The following SHARPIN variants were observed in gnomAD, a reference collection of about 807,000 sequenced individuals.
SHARPIN encodes SHANK associated RH domain interactor.
In SHARPIN, 25 loss-of-function variants were observed where a neutral mutation model predicts 40.3. That is an observed-to-expected ratio of 0.62 (90% CI 0.45 to 0.87). The LOEUF (loss-of-function observed/expected upper bound fraction) is 0.87. Ranked by LOEUF, SHARPIN falls within the 40% of genes least tolerant of loss-of-function variation. The pLI is 0.00. For missense variants in SHARPIN, 551 were observed against 516.1 expected (o/e 1.07, Z -0.66); for synonymous variants, 274 against 221.8 (o/e 1.24, Z -2.09).
At position 144,098,774 on chromosome 8, in the gene SHARPIN, C is replaced by T. The variant is rs1836220193; in HGVS notation, c.*27G>A. 1.1e-6 allele frequency: 1 copy of T among 883,294 alleles called. No individual in the cohort carries two copies. Among genetic ancestry groups the T allele is most frequent in the Non-Finnish European group, 1.7e-6 (1 of 587,238 alleles). 54.7% of individuals were successfully genotyped at this position (883,294 alleles called of 1,614,324 possible). ...TGTCGGACTTGTGAGGGAAGGGCCA[C>T]TCTCCCCTTGTAACCTGTGGGGGAG... On this transcript the variant is annotated 3_prime_UTR_variant, in exon 9 of 9. Coordinates refer to ENST00000398712, the MANE Select transcript of SHARPIN (RefSeq NM_030974.4).
chr8:144,099,881 G>A (rs773682714), intron 3 of SHARPIN, 37 bp from the exon 4 acceptor site: 1 of 1,610,736 alleles, frequency 6.2e-7, no homozygotes, highest in South Asian at 1.1e-5. Context: ...CACCACTGGG[G>A]ACTATCTGCT....
chr8:144,099,552 C>A lies in SHARPIN; in HGVS notation c.726G>T (p.Leu242=). 8 of 1,614,080 alleles carry A rather than the reference C, an allele frequency of 5.0e-6. No homozygotes were observed. The highest frequency in any genetic ancestry group is 6.8e-6 in the Non-Finnish European group (8 of 1,180,014). The stretch of plus-strand genomic sequence containing the variant: ...CAACAGTGCAGTGGGGGTGGACCTG[C>A]AGGGCAACGTGTGCAGAGGACGCGG... ...ASAASSAHVA[L]QVHPHCTVAA... is the part of the protein sequence containing the mutation. Residue 242 remains leucine (L), a synonymous_variant, in exon 5 of 9, where the codon CTG becomes CTT. Transcript: ENST00000398712.
At position 144,099,296 on chromosome 8, in the gene SHARPIN, T is replaced by C. The variant is rs1481288549; in HGVS notation, c.903A>G (p.Ser301=). The C allele has an allele frequency of 6.2e-7, 1 of 1,613,920 alleles. No homozygotes were observed. Among genetic ancestry groups the C allele is most frequent in the Non-Finnish European group, 8.5e-7 (1 of 1,179,992 alleles). The stretch of plus-strand genomic sequence containing the variant: ...ACTGACCTGGGGCTTCTCGAGGAGC[T>C]GACAGCAAGTAGAGGAAAGCAGGGT... The part of the protein sequence containing the change: ...DGDPAFLYLL[S]APREAPATGP... Residue 301 remains serine, a synonymous_variant, in exon 6 of 9, where the codon TCA becomes TCG. Transcript: ENST00000398712.
rs543243138 is a variant in SHARPIN, at chr8:144,102,986, C to A, written c.376+65G>T. On this transcript the variant is annotated intron_variant, in intron 2 of 8. Coordinates refer to ENST00000398712, the MANE Select transcript of SHARPIN (RefSeq NM_030974.4). The stretch of plus-strand genomic sequence containing the variant: ...CAGTGGGGAAGGTGGATCCAACTTC[C>A]CCAACCAGGACTGGGGGGCCAAGGC... 3 of 1,599,252 alleles carry A rather than the reference C, an allele frequency of 1.9e-6. No homozygotes were observed. In the African/African-American group the frequency reaches 4.0e-5, roughly 21 times the overall value.
At chr8:144,099,893 T>C (rs773640004) in intron 3 of SHARPIN, 36 bp downstream of exon 3, 1 of 1,551,008 alleles carries the variant, frequency 6.4e-7, no homozygotes, top group East Asian at 2.3e-5. Flanking sequence ...CTATCTGCTA[T>C]CCCCGAACCC....
Position 144,103,368 on chromosome 8 carries a change from G to A in SHARPIN, c.202-143C>T, listed in dbSNP as rs1012259502. The A allele has an allele frequency of 1.3e-5, 14 of 1,114,466 alleles. No homozygotes were observed. The East Asian group carries it at 2.8e-4, about 23-fold the overall frequency. 69.0% of individuals were successfully genotyped at this position (1,114,466 alleles called of 1,614,324 possible). A position where few individuals can be genotyped will look rare whatever the true frequency, so the allele number is the denominator to read the frequency against. On this transcript the variant is annotated intron_variant, in intron 1 of 8. Coordinates refer to ENST00000398712, the MANE Select transcript of SHARPIN (RefSeq NM_030974.4). Reference sequence around the variant, plus strand: ...ATCATCAAATCCTCACAATAGCCCTGTAAAGTAGGTCCAGGTAGGTCCCAG... The same window carrying A: ...ATCATCAAATCCTCACAATAGCCCTATAAAGTAGGTCCAGGTAGGTCCCAG...
At chr8:144,099,480 CT>C (rs1054072729) in intron 5 of SHARPIN, 29 bp downstream of exon 5, 9 of 1,609,768 alleles carry the variant, frequency 5.6e-6, no homozygotes, top group Non-Finnish European at 6.8e-6. Flanking sequence ...TCCTCTGCCC[CT>C]GGCAGGGCTC....
At chr8:144,099,893 T>TGGGC in intron 3 of SHARPIN, 36 bp downstream of exon 3, 1 of 1,551,002 alleles carries the variant, frequency 6.4e-7, no homozygotes, top group Non-Finnish European at 8.8e-7. Context: ...CTATCTGCTA[T>TGGGC]CCCCGAACCC....
Position 144,103,189 on chromosome 8 carries a change from T to G in SHARPIN, c.238A>C (p.Thr80Pro), listed in dbSNP as rs749884925. ...LEWPLESVSY[T>P]IRGPTQHELQ... ...TCGTGCTGGGTGGGGCCTCGGATGG[T>G]GTAGGAAACTGACTCCAGGGGCCAC... The change falls in exon 2 of 9, where the codon ACC (threonine) becomes CCC (proline). Residue 80 changes from threonine to proline, a missense_variant. By Grantham distance (38) the Thr-to-Pro change is conservative (BLOSUM62 -1). Coordinates refer to ENST00000398712, the MANE Select transcript of SHARPIN (RefSeq NM_030974.4). 1 of 1,612,440 alleles carries G rather than the reference T, an allele frequency of 6.2e-7. No homozygotes were observed. Among genetic ancestry groups the G allele is most frequent in the South Asian group, 1.1e-5 (1 of 91,036 alleles).
At chr8:144,101,115 G>A (rs947438452) in intron 2 of SHARPIN, among the ~76,000 whole-genome samples, 2 of 151,658 alleles carry the variant, frequency 1.3e-5, no homozygotes, top group African/African-American at 4.8e-5. Flanking sequence ...GATGATAGGC[G>A]TGAGCCACCG....
In SHARPIN at chr8:144,098,687, C is replaced by G; in HGVS notation, c.*114G>C. On this transcript the variant is annotated 3_prime_UTR_variant, in exon 9 of 9. Coordinates refer to ENST00000398712, the MANE Select transcript of SHARPIN (RefSeq NM_030974.4). ...TCATTTTGTGGCCCTTCCCCCCAAC[C>G]CTGGTGACTGTCCCAGCAAGCAGTC... 2.0e-6 allele frequency: 1 copy of G among 503,004 alleles called. No individual in the cohort carries two copies. The highest frequency in any genetic ancestry group is 2.7e-5 in the South Asian group (1 of 36,552). The allele number at this position is 503,004 out of a possible 1,614,324, so 31.2% of individuals were successfully genotyped here. A position where few individuals can be genotyped will look rare whatever the true frequency, so the allele number is the denominator to read the frequency against.
intron 3 of SHARPIN, 36 bp downstream of exon 3, chr8:144,099,893 T>TGCCC: frequency 1.9e-6 from 3 of 1,550,844 alleles, no homozygotes; most frequent in Non-Finnish European, 2.6e-6. Context: ...CTATCTGCTA[T>TGCCC]CCCCGAACCC....
Position 144,099,587 on chromosome 8 carries a change from C to T in SHARPIN, c.691G>A (p.Ala231Thr), listed in dbSNP as rs370279302. ...LQVTLEDAAS[A>T]ASAASSAHVA... ...TGTGCAGAGGACGCGGCGGATGCGG[C>T]AGAGGCAGCGTCTTCAAGTGTGACC... Residue 231 changes from alanine (A) to threonine (T), a missense_variant, in exon 5 of 9, where the codon GCC (alanine) becomes ACC (threonine). Coordinates refer to ENST00000398712, the MANE Select transcript of SHARPIN (RefSeq NM_030974.4). 2.8e-5 allele frequency: 45 copies of T among 1,613,956 alleles called. No homozygotes were observed. Among genetic ancestry groups the T allele is most frequent in the African/African-American group, 4.0e-5 (3 of 74,936 alleles).
At chr8:144,102,182 G>A (rs973392194) in intron 2 of SHARPIN, among the ~76,000 whole-genome samples, 1 of 152,076 alleles carries the variant, frequency 6.6e-6, no homozygotes, top group Non-Finnish European at 1.5e-5. Context: ...GTGAGTTAGG[G>A]TCACGCTACT....
intron 2 of SHARPIN, chr8:144,102,659 T>C: frequency 4.4e-5 from 14 of 316,054 alleles, no homozygotes; most frequent in South Asian, 4.2e-4. Context: ...AACTCTGTCT[T>C]AAGCAGGAGG....
chr8:144,102,749 C>G, intron 2 of SHARPIN: 2 of 512,030 alleles, frequency 3.9e-6, no homozygotes, highest in Non-Finnish European at 7.1e-6. Context: ...GGTCCTGACC[C>G]TGCCTGCTCT....
intron 5 of SHARPIN, 27 bp downstream of exon 5, chr8:144,099,483 G>A (rs1425428086): frequency 6.2e-7 from 1 of 1,610,044 alleles, no homozygotes; most frequent in Non-Finnish European, 8.5e-7. Flanking sequence ...TCTGCCCCTG[G>A]CAGGGCTCCC....
chr8:144,101,468 G>A (rs182704918), intron 2 of SHARPIN, among the ~76,000 whole-genome samples: 8 of 148,502 alleles, frequency 5.4e-5, no homozygotes, highest in Admixed American at 5.4e-4. Context: ...GAGTGCAGTG[G>A]TGCAATCTCG....
rs542885760 is a variant in SHARPIN at position 144,099,840 on chromosome 8, C to T, written c.522G>A (p.Glu174=). Residue 174 remains glutamate (E), a synonymous_variant, in exon 4 of 9, where the codon GAG becomes GAA. Coordinates refer to ENST00000398712, the MANE Select transcript of SHARPIN (RefSeq NM_030974.4). ...TAGCCCGGGCCAGGCTCCCTGCCAG[C>T]TCTTCTGCAGGGTAAGGAAAGGACA... The part of the protein sequence containing the change: ...RSPGNLTERE[E]LAGSLARAIA... 2.9e-4 allele frequency: 472 copies of T among 1,612,512 alleles called. 9 individuals carry two copies. The South Asian group carries it at 5.0e-3, about 17-fold the overall frequency.
Sources: allele counts gnomAD v4.1 joint callset (sites outside exome capture counted in the v4.1 genomes callset), GRCh38; gene constraint gnomAD v4.1.1; transcripts MANE v1.5; gene names NCBI Gene and HGNC (gene_info 2026-07-23, HGNC 2026-07-21).